KMO: variants seen among roughly 807,000 people sequenced by gnomAD.
KMO encodes the protein kynurenine 3-hydroxylase.
KMO carries 24 observed loss-of-function variants against 57.8 expected under a neutral mutation model. That is an observed-to-expected ratio of 0.42 (90% confidence interval 0.30 to 0.58). The LOEUF is 0.58. KMO is among the 20% of genes least tolerant of loss of function. The pLI, the probability that KMO is intolerant of heterozygous loss-of-function variation, is 0.22. For synonymous variants in KMO, 210 were observed against 193.6 expected, an observed-to-expected ratio of 1.08 and a Z score of -0.70; for missense variants, 483 against 588.2, an observed-to-expected ratio of 0.82 and a Z score of 1.85.
At chr1:241,575,184 A>G (rs887879490) in intron 10 of KMO, among the ~76,000 whole-genome samples, 3 of 151,954 alleles carry the variant, frequency 2.0e-5, no homozygotes, top group Non-Finnish European at 4.4e-5. Flanking sequence ...CTAGCTAATG[A>G]TCTATTGATT....
In KMO at chr1:241,591,732, G is replaced by A. The variant is rs540883824; in HGVS notation, c.1261-221G>A. On this transcript the variant is annotated intron_variant, in intron 14 of 14. Transcript: ENST00000366559. Reference sequence around the variant, plus strand: ...TAAATTTTTTTCATACAGAAGACCTGGATTCATGAGTTTCCTGGGAGAGAG... The same window carrying A: ...TAAATTTTTTTCATACAGAAGACCTAGATTCATGAGTTTCCTGGGAGAGAG... Among the ~76,000 whole-genome samples the A allele has an allele frequency of 2.6e-4, 40 of 152,166 alleles. No homozygotes were observed. The South Asian group carries it at 7.7e-3, about 29-fold the overall frequency.
At chr1:241,561,983 C>A in intron 6 of KMO, 184 bp from the exon 7 acceptor site, 2 of 587,952 alleles carry the variant, frequency 3.4e-6, no homozygotes, top group Non-Finnish European at 6.0e-6. Context: ...CATAAGCAAA[C>A]TTATGACTGG....
chr1:241,549,256 A>AGAAAGTCG (rs1553346345), intron 2 of KMO, among the ~76,000 whole-genome samples: 64 of 114,886 alleles, frequency 5.6e-4, no homozygotes, highest in Middle Eastern at 8.7e-3. Context: ...AAAGAAAGAA[A>AGAAAGTCG]GAAAGAAAGA....
intron 9 of KMO, among the ~76,000 whole-genome samples, chr1:241,567,237 G>A (rs1170884554): frequency 6.6e-6 from 1 of 152,182 alleles, no homozygotes; most frequent in South Asian, 2.1e-4. Flanking sequence ...CCATAGACTC[G>A]GTGGCTTATA....
chr1:241,554,742 C>T (rs1001854386), intron 4 of KMO, among the ~76,000 whole-genome samples: 9 of 149,350 alleles, frequency 6.0e-5, no homozygotes, highest in African/African-American at 1.5e-4. Flanking sequence ...TGGCCAAGGT[C>T]GGTGGATCAC....
At chr1:241,535,865 A>C (rs1660734214) in intron 1 of KMO, among the ~76,000 whole-genome samples, 1 of 152,208 alleles carries the variant, frequency 6.6e-6, no homozygotes, top group African/African-American at 2.4e-5. Context: ...TTAAATGCCC[A>C]CAGGGCTTTG....
chr1:241,581,489 C>T (rs754618915), intron 10 of KMO, among the ~76,000 whole-genome samples: 1 of 151,646 alleles, frequency 6.6e-6, no homozygotes, highest in Non-Finnish European at 1.5e-5. Flanking sequence ...TTTTTGTGTA[C>T]CTATCATAGG....
chr1:241,579,664 T>C (rs760198360), intron 10 of KMO, among the ~76,000 whole-genome samples: 1 of 152,106 alleles, frequency 6.6e-6, no homozygotes, highest in Non-Finnish European at 1.5e-5. Flanking sequence ...ATAAGCCTTC[T>C]CCTCAGAGAC....
intron 5 of KMO, among the ~76,000 whole-genome samples, chr1:241,557,071 T>G (rs1443967549): frequency 6.6e-6 from 1 of 152,044 alleles, no homozygotes; most frequent in Non-Finnish European, 1.5e-5. Context: ...ATTCATGATA[T>G]TTGTAAGAGA....
intron 7 of KMO, among the ~76,000 whole-genome samples, 173 bp from the exon 8 acceptor site, chr1:241,564,814 C>T (rs895495367): frequency 6.6e-6 from 1 of 152,108 alleles, no homozygotes; most frequent in Non-Finnish European, 1.5e-5. Context: ...TTTATAAAGA[C>T]AGAACACAAA....
At chr1:241,549,058 G>A (rs112935910) in intron 2 of KMO, among the ~76,000 whole-genome samples, 160 bp downstream of exon 2, 429 of 151,786 alleles carry the variant, frequency 2.8e-3, no homozygotes, top group African/African-American at 9.6e-3. Flanking sequence ...AATTAGCCTG[G>A]TGTGGTGGTG....
At chr1:241,562,914 G>A (rs866319135) in intron 7 of KMO, among the ~76,000 whole-genome samples, 1 of 27,568 alleles carries the variant, frequency 3.6e-5, no homozygotes, top group African/African-American at 1.4e-4. Context: ...AAGGAAGGAA[G>A]GAAAGAAGGA....
chr1:241,566,631 C>G lies in KMO; in HGVS notation c.809+19C>G, dbSNP rs200168147. 1 of 1,612,812 alleles carries G rather than the reference C, an allele frequency of 6.2e-7. No individual in the cohort carries two copies. The highest frequency in any genetic ancestry group is 8.5e-7 in the Non-Finnish European group (1 of 1,179,102). On this transcript the variant is annotated intron_variant, in intron 9 of 14. Coordinates refer to ENST00000366559, the MANE Select transcript of KMO (RefSeq NM_003679.5). Reference sequence around the variant, plus strand: ...TTGGAGAGTAAGTTGCAAGATGTGCCTTTTGCTCCATTTGTTTTAATTATT... The same window carrying G: ...TTGGAGAGTAAGTTGCAAGATGTGCGTTTTGCTCCATTTGTTTTAATTATT...
intron 1 of KMO, among the ~76,000 whole-genome samples, chr1:241,547,445 A>G (rs1434483868): frequency 6.6e-6 from 1 of 152,078 alleles, no homozygotes; most frequent in Non-Finnish European, 1.5e-5. Flanking sequence ...AAGAAAAGAA[A>G]AAAGATAGGC....
At chr1:241,554,273 T>TCCTTCCTC (rs1308750536) in intron 4 of KMO, among the ~76,000 whole-genome samples, 2 of 141,230 alleles carry the variant, frequency 1.4e-5, no homozygotes, top group Non-Finnish European at 3.2e-5. Context: ...CTTCCTTCCT[T>TCCTTCCTC]CCTTCCTTCC....
At chr1:241,547,159 G>A (rs187725006) in intron 1 of KMO, among the ~76,000 whole-genome samples, 50 of 152,186 alleles carry the variant, frequency 3.3e-4, no homozygotes, top group Admixed American at 5.2e-4. Context: ...AAAAAGACAA[G>A]AGATCAGAAA....
chr1:241,592,466 T>C lies in KMO; in HGVS notation c.*313T>C, dbSNP rs769243806. The C allele has an allele frequency of 2.1e-5, 7 of 329,882 alleles. No homozygotes were observed. The highest frequency in any genetic ancestry group is 3.4e-5 in the Non-Finnish European group (6 of 175,092). The allele number at this position is 329,882 out of a possible 1,614,324, so 20.4% of individuals were successfully genotyped here. A position where few individuals can be genotyped will look rare whatever the true frequency, so the allele number is the denominator to read the frequency against. ...GATGCCTCAGGGAAGACAGTAATCA[T>C]GCCTTTTCTTTAAAAGACACAATAG... On this transcript the variant is annotated 3_prime_UTR_variant, in exon 15 of 15. Transcript: ENST00000366559.
intron 4 of KMO, among the ~76,000 whole-genome samples, chr1:241,551,784 T>C (rs1283869737): frequency 1.3e-5 from 2 of 152,182 alleles, no homozygotes; most frequent in African/African-American, 4.8e-5. Flanking sequence ...ATTCATATTC[T>C]TCTAAGTCTC....
At chr1:241,543,511 G>A (rs372236782) in intron 1 of KMO, among the ~76,000 whole-genome samples, 2 of 152,028 alleles carry the variant, frequency 1.3e-5, no homozygotes, top group African/African-American at 4.8e-5. Context: ...ATTCCACTCT[G>A]ATAGTCATTC....
Sources: gnomAD v4.1 joint callset for allele counts (sites outside exome capture counted in the v4.1 genomes callset) on GRCh38, gnomAD v4.1.1 for gene constraint, MANE v1.5 for transcripts, NCBI Gene and HGNC (gene_info 2026-07-23, HGNC 2026-07-21) for gene names.